The following ZMYM4 variants were observed in gnomAD, a reference collection of about 807,000 sequenced individuals.
The protein encoded by ZMYM4 is zinc finger MYM-type protein 4.
In ZMYM4, 31 loss-of-function variants were observed where a neutral mutation model predicts 183.2. The ratio of observed to expected loss-of-function variants is 0.17; its 90% confidence interval spans 0.13 to 0.23. The LOEUF is 0.23. ZMYM4 is among the 10% of genes least tolerant of loss of function. The pLI, the probability that ZMYM4 is intolerant of heterozygous loss-of-function variation, is 1.00. For missense variants in ZMYM4, 1,273 were observed against 1,840.3 expected (o/e 0.69, Z 5.64); for synonymous variants, 592 against 631.2 (o/e 0.94, Z 0.93).
intron 1 of ZMYM4, 152 bp from the exon 2 acceptor site, chr1:35,325,208 T>C: frequency 1.6e-6 from 1 of 618,766 alleles, no homozygotes; most frequent in South Asian, 4.0e-5. Flanking sequence ...CTAAATTTTA[T>C]TTTACTCTAT....
chr1:35,378,546 T>A (rs1558122394), intron 7 of ZMYM4, among the ~76,000 whole-genome samples: 1 of 152,210 alleles, frequency 6.6e-6, no homozygotes, highest in Non-Finnish European at 1.5e-5. Context: ...CTTCAGTGAC[T>A]AGATGTCAGT....
chr1:35,400,402 TC>T (rs1205848935), intron 23 of ZMYM4: 3 of 151,564 alleles, frequency 2.0e-5, no homozygotes, highest in Admixed American at 2.0e-4. Flanking sequence ...AGACAGGGTT[TC>T]ACCATGTTAG....
intron 2 of ZMYM4, among the ~76,000 whole-genome samples, chr1:35,344,509 G>T (rs1349501042): frequency 6.6e-6 from 1 of 151,796 alleles, no homozygotes; most frequent in Non-Finnish European, 1.5e-5. Flanking sequence ...TCAGATCAAA[G>T]ACCTTCTTTT....
intron 1 of ZMYM4, among the ~76,000 whole-genome samples, chr1:35,310,620 C>T (rs1321620667): frequency 1.3e-5 from 2 of 151,312 alleles, no homozygotes; most frequent in Admixed American, 6.6e-5. Context: ...CTCTTGTTGC[C>T]CAGGCTGGAG....
intron 2 of ZMYM4, among the ~76,000 whole-genome samples, chr1:35,347,819 CTT>C (rs1285133821): frequency 6.6e-6 from 1 of 151,994 alleles, no homozygotes; most frequent in East Asian, 1.9e-4. Context: ...GCAAAAATGA[CTT>C]TTGTATTTAT....
chr1:35,309,965 T>C (rs1383766203), intron 1 of ZMYM4, among the ~76,000 whole-genome samples: 2 of 150,724 alleles, frequency 1.3e-5, no homozygotes, highest in African/African-American at 4.9e-5. Flanking sequence ...TTCACTCTTG[T>C]CGCCCAAGGT....
Position 35,288,247 on chromosome 1 carries a change from T to C in ZMYM4, c.39+19162T>C, listed in dbSNP as rs1218296502. Among the ~76,000 whole-genome samples, 2 of 152,224 alleles carry C rather than the reference T, an allele frequency of 1.3e-5. 1 individual carries two copies. Among genetic ancestry groups the C allele is most frequent in the Non-Finnish European group, 2.9e-5 (2 of 68,044 alleles). ...TACAACTCTTCTTTTCGCACTCCCT[T>C]CTTTACTGTTTCCTCTACCCCATTC... is the stretch of plus-strand genomic sequence containing the variant. On this transcript the variant is annotated intron_variant, in intron 1 of 29. Coordinates refer to ENST00000314607, the MANE Select transcript of ZMYM4 (RefSeq NM_005095.3).
intron 2 of ZMYM4, among the ~76,000 whole-genome samples, chr1:35,335,252 T>C (rs1416247689): frequency 6.6e-5 from 10 of 151,580 alleles, no homozygotes; most frequent in South Asian, 2.1e-4. Context: ...TTTTTTTTTT[T>C]CCCAGACAGA....
chr1:35,416,894 CAGGTGGATA>C (rs1235620584), intron 28 of ZMYM4, among the ~76,000 whole-genome samples: 1 of 152,156 alleles, frequency 6.6e-6, no homozygotes, highest in Admixed American at 6.6e-5. Flanking sequence ...GAGGGAAAGG[CAGGTGGATA>C]ATGTTTCCCT....
chr1:35,351,121 A>G lies in ZMYM4; in HGVS notation c.86-7804A>G, dbSNP rs1303115156. 50 of 957,142 alleles carry G rather than the reference A, an allele frequency of 5.2e-5. No homozygotes were observed. The East Asian group carries it at 7.1e-4, about 14-fold the overall frequency. 59.3% of individuals were successfully genotyped at this position (957,142 alleles called of 1,614,324 possible). A position where few individuals can be genotyped will look rare whatever the true frequency, so the allele number is the denominator to read the frequency against. On this transcript the variant is annotated intron_variant, in intron 2 of 29. Transcript: ENST00000314607. ...GGTGGTAAATACAATGTGGAAGGCA[A>G]TCTTGGTCAGCCACGTGCCTTTACC...
chr1:35,402,293 T>C (rs1182039839), intron 23 of ZMYM4, among the ~76,000 whole-genome samples: 1 of 152,204 alleles, frequency 6.6e-6, no homozygotes, highest in Non-Finnish European at 1.5e-5. Context: ...TAAGATATTT[T>C]GATGCTGTTG....
intron 2 of ZMYM4, among the ~76,000 whole-genome samples, chr1:35,344,610 T>A (rs1327531622): frequency 6.6e-6 from 1 of 152,146 alleles, no homozygotes; most frequent in African/African-American, 2.4e-5. Flanking sequence ...TGTTATTTTT[T>A]CCTTTAATGT....
At position 35,381,572 on chromosome 1, in the gene ZMYM4, T is replaced by C. The variant is rs779029769; in HGVS notation, c.1383T>C (p.Asn461=). The change falls in exon 9 of 30, where the codon AAT becomes AAC. Residue 461 remains asparagine, a synonymous_variant. Transcript: ENST00000314607. ...AVIRHEVNYQ[N]VVHKLCSDAC... The stretch of plus-strand genomic sequence containing the variant: ...TTCGACATGAAGTTAATTACCAGAA[T>C]GTGGTCCATAAACTTTGCAGTGATG... The C allele has an allele frequency of 3.7e-6, 6 of 1,614,228 alleles. No homozygotes were observed. The highest frequency in any genetic ancestry group is 5.1e-6 in the Non-Finnish European group (6 of 1,180,042).
At chr1:35,395,492 T>C (rs907529425) in intron 18 of ZMYM4, among the ~76,000 whole-genome samples, 7 of 152,134 alleles carry the variant, frequency 4.6e-5, no homozygotes, top group African/African-American at 1.7e-4. Flanking sequence ...AATTGTTAGC[T>C]CTTCTCTTTC....
Position 35,397,427 on chromosome 1 carries a change from C to T in ZMYM4, c.3081C>T (p.Val1027=). Residue 1027 remains valine, a synonymous_variant, in exon 20 of 30, where the codon GTC becomes GTT. Transcript: ENST00000314607. Reference sequence around the variant, plus strand: ...CTTCAATGGATAGTGAAGATAAAGTCACAGAGAGTATTGAAGACATTAAAG... The same window carrying T: ...CTTCAATGGATAGTGAAGATAAAGTTACAGAGAGTATTGAAGACATTAAAG... The part of the protein sequence containing the change: ...IPSSMDSEDK[V]TESIEDIKEK... The T allele has an allele frequency of 6.2e-7, 1 of 1,612,788 alleles. No individual in the cohort carries two copies. The highest frequency in any genetic ancestry group is 1.1e-5 in the South Asian group (1 of 90,754).
At chr1:35,376,762 G>T (rs1470583132) in intron 7 of ZMYM4, among the ~76,000 whole-genome samples, 1 of 152,100 alleles carries the variant, frequency 6.6e-6, no homozygotes, top group East Asian at 1.9e-4. Flanking sequence ...TTGACCTCAG[G>T]TGATCTGCCC....
intron 1 of ZMYM4, chr1:35,296,051 T>C (rs1640992366): frequency 6.6e-6 from 1 of 152,190 alleles, no homozygotes; most frequent in Non-Finnish European, 1.5e-5. Flanking sequence ...GCTACTTTGG[T>C]ATCCCATTAT....
chr1:35,405,877 T>G (rs963462220), intron 25 of ZMYM4, among the ~76,000 whole-genome samples: 18 of 152,142 alleles, frequency 1.2e-4, no homozygotes, highest in African/African-American at 4.1e-4. Flanking sequence ...TCACTTCAGC[T>G]GCCAGGAAAT....
chr1:35,401,115 G>GT (rs1644901228), intron 23 of ZMYM4, among the ~76,000 whole-genome samples: 1 of 152,134 alleles, frequency 6.6e-6, no homozygotes, highest in Non-Finnish European at 1.5e-5. Flanking sequence ...GTGAACATAT[G>GT]TTTTCATTTC....
Sources: gnomAD v4.1 joint callset for allele counts (sites outside exome capture counted in the v4.1 genomes callset) on GRCh38, gnomAD v4.1.1 for gene constraint, MANE v1.5 for transcripts, NCBI Gene and HGNC (gene_info 2026-07-23, HGNC 2026-07-21) for gene names.